Variants in FAM124B observed in about 807,000 individuals in gnomAD.
The protein encoded by FAM124B is protein FAM124B.
Under a neutral mutation model 19.7 loss-of-function variants are expected in FAM124B, and 18 were observed. The ratio of observed to expected loss-of-function variants is 0.92; its 90% CI spans 0.63 to 1.36. FAM124B has a LOEUF of 1.36. Ranked by LOEUF, FAM124B falls within the 40% of genes most tolerant of loss-of-function variation. The pLI, the probability that FAM124B is intolerant of heterozygous loss-of-function variation, is 0.00. For missense variants in FAM124B, 540 were observed against 553.3 expected (o/e 0.98, Z 0.24); for synonymous variants, 223 against 225.2 (o/e 0.99, Z 0.09).
intron 1 of FAM124B, among the ~76,000 whole-genome samples, chr2:224,384,146 CCT>C (rs1297193860): frequency 6.6e-6 from 1 of 152,190 alleles, no homozygotes; most frequent in Admixed American, 6.5e-5. Flanking sequence ...CCTCCACTCC[CCT>C]CTGTCACCCA....
chr2:224,400,434 A>G (rs982294005), intron 1 of FAM124B: 2 of 695,462 alleles, frequency 2.9e-6, no homozygotes, highest in Non-Finnish European at 5.2e-6. Flanking sequence ...TGAACCCAGA[A>G]GGTGAAGACC....
chr2:224,385,175 T>C (rs1299741136), intron 1 of FAM124B, among the ~76,000 whole-genome samples: 1 of 152,208 alleles, frequency 6.6e-6, no homozygotes, highest in Non-Finnish European at 1.5e-5. Context: ...GTCTGCCTCT[T>C]CTTACACCAC....
At chr2:224,393,887 G>A (rs577218768) in intron 1 of FAM124B, among the ~76,000 whole-genome samples, 4 of 152,176 alleles carry the variant, frequency 2.6e-5, no homozygotes, top group Non-Finnish European at 5.9e-5. Flanking sequence ...CCATAAGCCC[G>A]GAGTGGTGGT....
At chr2:224,395,802 T>C (rs1689960126) in intron 1 of FAM124B, among the ~76,000 whole-genome samples, 1 of 152,194 alleles carries the variant, frequency 6.6e-6, no homozygotes, top group Non-Finnish European at 1.5e-5. Flanking sequence ...AGAGGTCATG[T>C]GGAAAACGCA....
intron 1 of FAM124B, among the ~76,000 whole-genome samples, chr2:224,381,554 G>A (rs1379949726): frequency 6.6e-6 from 1 of 152,132 alleles, no homozygotes; most frequent in East Asian, 1.9e-4. Context: ...ACTAAGTGGA[G>A]CAGGAGGACT....
chr2:224,395,011 A>T (rs1242468650), intron 1 of FAM124B, among the ~76,000 whole-genome samples: 1 of 152,266 alleles, frequency 6.6e-6, no homozygotes, highest in South Asian at 2.1e-4. Flanking sequence ...CATGAAATAT[A>T]GACCTTGCTG....
chr2:224,397,105 A>G (rs1477589873), intron 1 of FAM124B, among the ~76,000 whole-genome samples: 1 of 152,140 alleles, frequency 6.6e-6, no homozygotes. Flanking sequence ...TCCTCACCCA[A>G]ATTTCATATT....
intron 1 of FAM124B, among the ~76,000 whole-genome samples, chr2:224,400,784 G>C (rs911864691): frequency 6.6e-6 from 1 of 152,148 alleles, no homozygotes; most frequent in Admixed American, 6.5e-5. Flanking sequence ...TTATCTGTCA[G>C]ATGAGATTTT....
chr2:224,391,543 G>C lies in FAM124B; in HGVS notation c.732+9494C>G, dbSNP rs185014686. The stretch of plus-strand genomic sequence containing the variant: ...CGCTACAGTGTTAGAAATGAAAGAA[G>C]TATATTATCTAAAACAGGCTGAATT... On this transcript the variant is annotated intron_variant, in intron 1 of 1. Transcript: ENST00000409685. Among the ~76,000 whole-genome samples, 14 of 152,040 alleles carry C rather than the reference G, an allele frequency of 9.2e-5. No individual in the cohort carries two copies. In the East Asian group the frequency reaches 2.3e-3, roughly 25 times the overall value.
intron 1 of FAM124B, among the ~76,000 whole-genome samples, chr2:224,383,632 CA>C (rs1290384379): frequency 6.6e-6 from 1 of 152,130 alleles, no homozygotes; most frequent in Non-Finnish European, 1.5e-5. Flanking sequence ...AACCTCAAAT[CA>C]CCCCCAAATT....
chr2:224,396,012 A>G (rs560076543), intron 1 of FAM124B, among the ~76,000 whole-genome samples: 1 of 152,204 alleles, frequency 6.6e-6, no homozygotes, highest in African/African-American at 2.4e-5. Flanking sequence ...CATTTCACCA[A>G]GGATAGAATA....
At chr2:224,385,513 C>T (rs1003446491) in intron 1 of FAM124B, among the ~76,000 whole-genome samples, 13 of 152,178 alleles carry the variant, frequency 8.5e-5, no homozygotes, top group African/African-American at 3.1e-4. Context: ...GGCATCTAGG[C>T]CTTCAGTTAG....
intron 1 of FAM124B, among the ~76,000 whole-genome samples, chr2:224,385,118 C>T (rs181227503): frequency 1.3e-5 from 2 of 152,154 alleles, no homozygotes; most frequent in Non-Finnish European, 2.9e-5. Context: ...ATGCCACTGA[C>T]AAGATAAAAT....
intron 1 of FAM124B, chr2:224,400,622 A>C: frequency 1.7e-6 from 1 of 597,338 alleles, no homozygotes; most frequent in Middle Eastern, 3.6e-4. Context: ...AGAGTAAACA[A>C]AGGATAGGGG....
At chr2:224,393,432 TA>T (rs1308860030) in intron 1 of FAM124B, among the ~76,000 whole-genome samples, 1 of 152,232 alleles carries the variant, frequency 6.6e-6, no homozygotes, top group African/African-American at 2.4e-5. Flanking sequence ...CACCCTATTC[TA>T]AAACCTCTCT....
At position 224,379,405 on chromosome 2, in the gene FAM124B, C is replaced by G. The variant is rs547978814; in HGVS notation, c.*168G>C. 1 of 985,722 alleles carries G rather than the reference C, an allele frequency of 1.0e-6. No homozygotes were observed. The highest frequency in any genetic ancestry group is 3.2e-5 in the Admixed American group (1 of 31,654). 61.1% of individuals were successfully genotyped at this position (985,722 alleles called of 1,614,324 possible). On this transcript the variant is annotated 3_prime_UTR_variant, in exon 2 of 2. Coordinates refer to ENST00000409685, the MANE Select transcript of FAM124B (RefSeq NM_001122779.2). ...TGTGACGGCAAATAAACAATCATTC[C>G]CAGCACCTTTAGACTTTGAACATTT...
intron 1 of FAM124B, among the ~76,000 whole-genome samples, chr2:224,397,185 TG>T (rs1465300536): frequency 6.6e-6 from 1 of 151,868 alleles, no homozygotes; most frequent in Non-Finnish European, 1.5e-5. Flanking sequence ...ATTATGGGAG[TG>T]GGTCTTTCCT....
chr2:224,384,119 G>T (rs903173153), intron 1 of FAM124B, among the ~76,000 whole-genome samples: 2 of 152,004 alleles, frequency 1.3e-5, no homozygotes, highest in African/African-American at 4.8e-5. Context: ...CGCCCTCCTG[G>T]GCCAGCCCAG....
rs941727283 is a variant in FAM124B, at chr2:224,380,146, C to T, written c.795G>A (p.Leu265=). 33 of 1,551,556 alleles carry T rather than the reference C, an allele frequency of 2.1e-5. No individual in the cohort carries two copies. In the African/African-American group the frequency reaches 3.8e-4, roughly 18 times the overall value. ...CAGAGACAGAAGTCAGCCTGGAGCC[C>T]AGGGGAAGCATGCCAGCTCCCAAGA... The part of the protein sequence containing the change: ...NGILGAGMLP[L]GSRLTSVSAK... The change falls in exon 2 of 2, where the codon CTG becomes CTA. Residue 265 remains leucine (L), a synonymous_variant. Transcript: ENST00000409685.
Sources: allele counts gnomAD v4.1 joint callset (sites outside exome capture counted in the v4.1 genomes callset), GRCh38; gene constraint gnomAD v4.1.1; transcripts MANE v1.5; gene names NCBI Gene and HGNC (gene_info 2026-07-23, HGNC 2026-07-21).